Variants in FER observed in about 807,000 individuals in gnomAD.
FER encodes FER tyrosine kinase.
FER carries 63 observed loss-of-function variants against 111.0 expected under a neutral mutation model. That is an observed-to-expected ratio of 0.57 (90% CI 0.46 to 0.70). The LOEUF (loss-of-function observed/expected upper bound fraction) is 0.70. Among genes scored for constraint, FER ranks in the 30% least tolerant of loss-of-function variants. FER has a pLI of 0.00. For missense variants in FER, 914 were observed against 954.0 expected (o/e 0.96, Z 0.55); for synonymous variants, 327 against 313.9 (o/e 1.04, Z -0.44).
intron 2 of FER, among the ~76,000 whole-genome samples, chr5:108,777,142 T>C (rs1207209882): frequency 6.6e-6 from 1 of 152,254 alleles, no homozygotes; most frequent in Non-Finnish European, 1.5e-5. Flanking sequence ...TGTTGTTTTT[T>C]AACTGGTGAA....
At chr5:108,950,985 A>G (rs753474641) in intron 11 of FER, among the ~76,000 whole-genome samples, 4 of 152,034 alleles carry the variant, frequency 2.6e-5, no homozygotes, top group Non-Finnish European at 4.4e-5. Flanking sequence ...AAATAAATTT[A>G]TAGGGCCAGG....
rs556853202 is a variant in FER, at chr5:109,034,871, G to A, written c.1657-2551G>A. 4.6e-5 allele frequency among the ~76,000 whole-genome samples: 7 copies of A among 151,874 alleles called. No homozygotes were observed. The South Asian group carries it at 8.3e-4, about 18-fold the overall frequency. ...AAGAATAACATTTGCTTATATATAGGGTTTGGGGTGGAGAATTAAACCCCA... is the reference window on the plus strand; with the variant it reads ...AAGAATAACATTTGCTTATATATAGAGTTTGGGGTGGAGAATTAAACCCCA... On this transcript the variant is annotated intron_variant, in intron 13 of 19. Coordinates refer to ENST00000281092, the MANE Select transcript of FER (RefSeq NM_005246.4).
At chr5:108,875,142 G>A (rs906638747) in intron 8 of FER, among the ~76,000 whole-genome samples, 3 of 151,962 alleles carry the variant, frequency 2.0e-5, no homozygotes, top group African/African-American at 7.2e-5. Context: ...AAATACATAG[G>A]AGAGTTAAAC....
intron 17 of FER, among the ~76,000 whole-genome samples, chr5:109,120,865 G>T (rs747187681): frequency 6.6e-6 from 1 of 152,010 alleles, no homozygotes; most frequent in Admixed American, 6.6e-5. Context: ...TGTTGTAAAT[G>T]AAACTACTTT....
intron 16 of FER, among the ~76,000 whole-genome samples, chr5:109,068,670 A>T (rs889968454): frequency 2.6e-5 from 4 of 152,208 alleles, no homozygotes; most frequent in Non-Finnish European, 5.9e-5. Flanking sequence ...GACTTTAAGC[A>T]TGCTACTTGA....
In FER at chr5:108,882,289, T is replaced by TAA. The variant is rs910849323; in HGVS notation, c.924-1099_924-1098dup. 4.6e-5 allele frequency among the ~76,000 whole-genome samples: 7 copies of TAA among 150,784 alleles called. No individual in the cohort carries two copies. In the South Asian group the frequency reaches 1.5e-3, roughly 32 times the overall value. On this transcript the variant is annotated intron_variant, in intron 8 of 19. Transcript: ENST00000281092. The stretch of plus-strand genomic sequence containing the variant: ...ATCAGTGATGTATAATTGTTTCCAT[T>TAA]AAAAAAAAATAATATTGCTATTACT...
At chr5:109,156,793 T>A (rs1755444586) in intron 17 of FER, among the ~76,000 whole-genome samples, 1 of 151,734 alleles carries the variant, frequency 6.6e-6, no homozygotes, top group Non-Finnish European at 1.5e-5. Context: ...AGGCCCTGAG[T>A]ATGCATAGCA....
At chr5:109,082,947 G>C (rs1423728636) in intron 16 of FER, among the ~76,000 whole-genome samples, 1 of 151,842 alleles carries the variant, frequency 6.6e-6, no homozygotes, top group Non-Finnish European at 1.5e-5. Flanking sequence ...TGCTAAGCAA[G>C]ATAGCTTTCT....
chr5:108,941,153 G>T (rs1261693829), intron 10 of FER, among the ~76,000 whole-genome samples: 1 of 152,116 alleles, frequency 6.6e-6, no homozygotes, highest in Non-Finnish European at 1.5e-5. Flanking sequence ...TCATGGCTCA[G>T]CTTTATTTCT....
chr5:108,889,610 G>A (rs1410614038), intron 9 of FER, among the ~76,000 whole-genome samples: 1 of 151,670 alleles, frequency 6.6e-6, no homozygotes, highest in Non-Finnish European at 1.5e-5. Flanking sequence ...AGCACAACAG[G>A]GTAACTGTAG....
In FER at chr5:109,117,792, T is replaced by C. The variant is rs1026275216; in HGVS notation, c.2048+17273T>C. On this transcript the variant is annotated intron_variant, in intron 17 of 19. Transcript: ENST00000281092. ...GCAATTGTGAATGGGAGTTCACTCA[T>C]GATTTGGCTCTCTGTTTGTCTGTTA... 4.0e-5 allele frequency among the ~76,000 whole-genome samples: 6 copies of C among 151,754 alleles called. No homozygotes were observed. In the East Asian group the frequency reaches 1.2e-3, roughly 29 times the overall value.
At chr5:109,128,562 C>G (rs1045655915) in intron 17 of FER, among the ~76,000 whole-genome samples, 1 of 152,076 alleles carries the variant, frequency 6.6e-6, no homozygotes, top group African/African-American at 2.4e-5. Flanking sequence ...TGTTTACTCT[C>G]TTGTAGCATG....
At chr5:109,086,284 C>A (rs1262401747) in intron 16 of FER, among the ~76,000 whole-genome samples, 5 of 114,886 alleles carry the variant, frequency 4.4e-5, no homozygotes, top group Non-Finnish European at 9.4e-5. Context: ...TCGGTCCTTA[C>A]ATCCATTTGT....
intron 3 of FER, among the ~76,000 whole-genome samples, chr5:108,801,710 C>G (rs1056328396): frequency 4.6e-5 from 7 of 152,140 alleles, no homozygotes; most frequent in African/African-American, 1.7e-4. Flanking sequence ...CTTACTGTAG[C>G]TCTTAGCAAA....
At chr5:108,803,044 G>A (rs1756845091) in intron 3 of FER, among the ~76,000 whole-genome samples, 1 of 152,072 alleles carries the variant, frequency 6.6e-6, no homozygotes, top group South Asian at 2.1e-4. Context: ...ATTCTTACTG[G>A]TGTGAGATGG....
intron 16 of FER, among the ~76,000 whole-genome samples, chr5:109,065,676 CATATT>C (rs1388139724): frequency 2.6e-5 from 4 of 152,120 alleles, no homozygotes; most frequent in Non-Finnish European, 2.9e-5. Context: ...TGAAGGATTA[CATATT>C]ATATTAAGCA....
At chr5:108,834,556 G>T (rs1196232469) in intron 4 of FER, among the ~76,000 whole-genome samples, 1 of 152,022 alleles carries the variant, frequency 6.6e-6, no homozygotes, top group Non-Finnish European at 1.5e-5. Flanking sequence ...AAATTAGCCA[G>T]GTGCGGTGGT....
intron 6 of FER, among the ~76,000 whole-genome samples, chr5:108,869,643 T>C (rs1764417693): frequency 6.6e-6 from 1 of 152,148 alleles, no homozygotes; most frequent in Non-Finnish European, 1.5e-5. Context: ...CCCCGTGCCA[T>C]GACAGATTTA....
At chr5:108,940,040 C>T (rs983949241) in intron 10 of FER, among the ~76,000 whole-genome samples, 1 of 152,052 alleles carries the variant, frequency 6.6e-6, no homozygotes, top group Non-Finnish European at 1.5e-5. Context: ...AAAACTTATC[C>T]TCTCTATCCC....
Sources: allele counts gnomAD v4.1 joint callset (sites outside exome capture counted in the v4.1 genomes callset), GRCh38; gene constraint gnomAD v4.1.1; transcripts MANE v1.5; gene names NCBI Gene and HGNC (gene_info 2026-07-23, HGNC 2026-07-21).